The following VPS13B variants were observed in gnomAD, a reference collection of about 807,000 sequenced individuals.
The protein encoded by VPS13B is intermembrane lipid transfer protein VPS13B.
In VPS13B, 285 loss-of-function variants were observed where a neutral mutation model predicts 426.4. The observed-to-expected ratio is 0.67, with a 90% CI of 0.61 to 0.74. The LOEUF (loss-of-function observed/expected upper bound fraction) is 0.74. VPS13B is among the 30% of genes least tolerant of loss of function. The probability of loss-of-function intolerance (pLI) is 0.00; values close to 1 mark genes in which losing one functional copy is unlikely to be tolerated. For missense variants in VPS13B, 4,537 were observed against 4,782.6 expected (o/e 0.95, Z 1.51); for synonymous variants, 1,676 against 1,676.4 (o/e 1.00, Z 0.01).
chr8:99,508,074 A>G (rs1279323762), intron 28 of VPS13B, among the ~76,000 whole-genome samples: 2 of 152,222 alleles, frequency 1.3e-5, no homozygotes, highest in Non-Finnish European at 2.9e-5. Flanking sequence ...CTGCTTTTCC[A>G]CTAAAACCTG....
In VPS13B at chr8:99,811,666, T is replaced by C. The variant is rs1228168453; in HGVS notation, c.8097+2136T>C. Among the ~76,000 whole-genome samples, 4 of 152,172 alleles carry C rather than the reference T, an allele frequency of 2.6e-5. No homozygotes were observed. In the South Asian group the frequency reaches 8.3e-4, roughly 32 times the overall value. On this transcript the variant is annotated intron_variant, in intron 44 of 61. Coordinates refer to ENST00000357162, the MANE Select transcript of VPS13B (RefSeq NM_152564.5). The stretch of plus-strand genomic sequence containing the variant: ...TTACTGAAATGGCAGGGTCCCTCCA[T>C]AGAGAAATGGTTTTAATGGTATGTC...
intron 23 of VPS13B, among the ~76,000 whole-genome samples, chr8:99,461,203 A>G (rs973502012): frequency 1.1e-4 from 17 of 151,880 alleles, no homozygotes; most frequent in Admixed American, 2.6e-4. Flanking sequence ...GCATTTCACT[A>G]TCTCCTTAGA....
chr8:99,396,626 T>G (rs990290025), intron 21 of VPS13B, among the ~76,000 whole-genome samples: 13 of 144,528 alleles, frequency 9.0e-5, no homozygotes, highest in African/African-American at 2.6e-4. Context: ...CTTCAGTGTG[T>G]TTTTTTTTGC....
Position 99,728,907 on chromosome 8 carries a change from C to T in VPS13B, c.7050+7860C>T, listed in dbSNP as rs971428652. Reference sequence around the variant, plus strand: ...ATAGGAACCCAGGGGAATATTCACTCGCTATTGCTTTTTCTCTTTTTCTTT... The same window carrying T: ...ATAGGAACCCAGGGGAATATTCACTTGCTATTGCTTTTTCTCTTTTTCTTT... On this transcript the variant is annotated intron_variant, in intron 39 of 61. Transcript: ENST00000357162. Among the ~76,000 whole-genome samples the T allele has an allele frequency of 3.3e-5, 5 of 152,182 alleles. No individual in the cohort carries two copies. In the East Asian group the frequency reaches 7.7e-4, roughly 23 times the overall value.
chr8:99,776,904 G>C lies in VPS13B; in HGVS notation c.7377G>C (p.Gln2459His). 8.7e-6 allele frequency: 14 copies of C among 1,614,032 alleles called. No homozygotes were observed. Among genetic ancestry groups the C allele is most frequent in the African/African-American group, 1.3e-5 (1 of 75,002 alleles). The stretch of plus-strand genomic sequence containing the variant: ...TCCCATCCCTTTGCGTTTCTTTCCA[G>C]TTTGCTCACCTGGAATTCCATCTTT... ...WFVPSLCVSF[Q>H]FAHLEFHLCH... The change falls in exon 41 of 62, where the codon CAG (glutamine) becomes CAC (histidine). Residue 2459 changes from glutamine to histidine, a missense_variant. Around this residue, in one of 2 missense-constraint regions of VPS13B, gnomAD observed 4,311 missense variants for 4,474.3 expected, o/e 0.96. Transcript: ENST00000357162.
At chr8:99,251,778 C>T (rs932245802) in intron 17 of VPS13B, among the ~76,000 whole-genome samples, 2 of 151,940 alleles carry the variant, frequency 1.3e-5, no homozygotes, top group African/African-American at 4.8e-5. Context: ...GTAGATTTCT[C>T]CATTTGGACC....
At chr8:99,535,123 ATTAAT>A (rs1454757433) in intron 30 of VPS13B, among the ~76,000 whole-genome samples, 11 of 152,332 alleles carry the variant, frequency 7.2e-5, no homozygotes, top group Middle Eastern at 3.4e-3. Flanking sequence ...ACATCTATTA[ATTAAT>A]TTAATGTGCA....
intron 17 of VPS13B, among the ~76,000 whole-genome samples, chr8:99,209,296 A>G (rs1458040234): frequency 6.6e-6 from 1 of 151,426 alleles, no homozygotes; most frequent in African/African-American, 2.4e-5. Flanking sequence ...AAAAAACAAA[A>G]CAAAAAACAA....
intron 20 of VPS13B, among the ~76,000 whole-genome samples, 186 bp downstream of exon 20, chr8:99,384,503 A>C (rs1309377285): frequency 6.6e-6 from 1 of 152,140 alleles, no homozygotes; most frequent in Non-Finnish European, 1.5e-5. Flanking sequence ...TGTCAGTATA[A>C]AGTTTCTTTG....
intron 42 of VPS13B, 45 bp from the exon 43 acceptor site, chr8:99,784,269 AC>A: frequency 6.2e-7 from 1 of 1,612,880 alleles, no homozygotes; most frequent in Non-Finnish European, 8.5e-7. Context: ...CAAACATCTT[AC>A]AATTAATCCG....
At chr8:99,126,848 C>T (rs1848204517) in intron 8 of VPS13B, among the ~76,000 whole-genome samples, 2 of 152,134 alleles carry the variant, frequency 1.3e-5, no homozygotes, top group Admixed American at 1.3e-4. Flanking sequence ...AATCCCAGCA[C>T]TTTAGGAGGC....
chr8:99,511,691 T>G (rs1451054318), intron 29 of VPS13B, among the ~76,000 whole-genome samples, 179 bp downstream of exon 29: 2 of 152,228 alleles, frequency 1.3e-5, no homozygotes, highest in African/African-American at 4.8e-5. Context: ...TACATCAGAA[T>G]ACTATGTAAC....
chr8:99,726,685 CT>C (rs540258111), intron 39 of VPS13B, among the ~76,000 whole-genome samples: 1 of 151,892 alleles, frequency 6.6e-6, no homozygotes, highest in African/African-American at 2.4e-5. Context: ...TTGAAAATGC[CT>C]TTTTTAATCG....
intron 61 of VPS13B, chr8:99,873,439 C>G (rs575467557): frequency 8.7e-4 from 132 of 152,300 alleles, no homozygotes; most frequent in African/African-American, 3.1e-3. Context: ...TGATTTTCCA[C>G]TGCTGTCCAG....
intron 35 of VPS13B, among the ~76,000 whole-genome samples, chr8:99,695,806 A>G (rs1831957044): frequency 6.6e-6 from 1 of 151,978 alleles, no homozygotes; most frequent in African/African-American, 2.4e-5. Flanking sequence ...GAGCCTGGGT[A>G]TCCAGGAGCG....
intron 35 of VPS13B, among the ~76,000 whole-genome samples, chr8:99,690,435 A>G (rs1831606166): frequency 6.6e-6 from 1 of 152,222 alleles, no homozygotes; most frequent in African/African-American, 2.4e-5. Context: ...CAAGCAAAAT[A>G]ACAAACATAT....
chr8:99,275,064 T>C lies in VPS13B; in HGVS notation c.2651-17T>C. 1.3e-6 allele frequency: 2 copies of C among 1,578,816 alleles called. No individual in the cohort carries two copies. Among genetic ancestry groups the C allele is most frequent in the South Asian group, 1.2e-5 (1 of 84,242 alleles). On this transcript the variant is annotated splice_polypyrimidine_tract_variant and intron_variant, in intron 18 of 61. Transcript: ENST00000357162. ...ATGTTTTATTTTTATTATTGTTTTA[T>C]AAATATTTCTTTTCAGTTGATAGTG... is the stretch of plus-strand genomic sequence containing the variant.
In VPS13B at chr8:99,048,589, C is replaced by T. The variant is rs138897677; in HGVS notation, c.291+10023C>T. Among the ~76,000 whole-genome samples, 495 of 151,980 alleles carry T rather than the reference C, an allele frequency of 3.3e-3. 2 individuals carry two copies. The highest frequency in any genetic ancestry group is 5.0e-3 in the Non-Finnish European group (339 of 67,938). On this transcript the variant is annotated intron_variant, in intron 3 of 61. Coordinates refer to ENST00000357162, the MANE Select transcript of VPS13B (RefSeq NM_152564.5). ...CAGCACTTTGGGAGGCCGAGACGGGCGGATTACCAGTGGTCGGGAGTTTGA... is the reference window on the plus strand; with the variant it reads ...CAGCACTTTGGGAGGCCGAGACGGGTGGATTACCAGTGGTCGGGAGTTTGA...
At chr8:99,709,510 G>A (rs1832628023) in intron 36 of VPS13B, among the ~76,000 whole-genome samples, 1 of 152,136 alleles carries the variant, frequency 6.6e-6, no homozygotes, top group African/African-American at 2.4e-5. Context: ...TTCAAACAAA[G>A]CATGATTGGT....
Sources: allele counts gnomAD v4.1 joint callset (sites outside exome capture counted in the v4.1 genomes callset), GRCh38; gene constraint gnomAD v4.1.1; regional missense constraint gnomAD v4.1.1; transcripts MANE v1.5; gene names NCBI Gene and HGNC (gene_info 2026-07-23, HGNC 2026-07-21).